SLC28A3: variants seen among roughly 807,000 people sequenced by gnomAD.
SLC28A3 encodes the protein concentrative Na(+)-nucleoside cotransporter 3.
A neutral mutation model predicts 84.2 loss-of-function variants in SLC28A3; 68 were observed. That is an observed-to-expected ratio of 0.81 (90% CI 0.66 to 0.99). The LOEUF is 0.99. Ranked by LOEUF, SLC28A3 falls within the 50% of genes least tolerant of loss-of-function variation. The probability of loss-of-function intolerance (pLI) is 0.00; values close to 1 mark genes in which losing one functional copy is unlikely to be tolerated. For missense variants in SLC28A3, 712 were observed against 841.5 expected (o/e 0.85, Z 1.90); for synonymous variants, 267 against 303.6 (o/e 0.88, Z 1.25).
the SLC28A3 span, among the ~76,000 whole-genome samples, chr9:84,359,703 A>G: frequency 2.6e-5 from 4 of 152,206 alleles, no homozygotes; most frequent in African/African-American, 9.6e-5. Context: ...TTAAATATCA[A>G]GAAAGTTTTA....
chr9:84,347,802 T>G, the SLC28A3 span, among the ~76,000 whole-genome samples: 20 of 152,356 alleles, frequency 1.3e-4, no homozygotes, highest in African/African-American at 4.8e-4. Context: ...TGCTCTTTCC[T>G]GGTGCTTAGC....
chr9:84,326,007 G>A (rs951007230), intron 1 of SLC28A3, among the ~76,000 whole-genome samples: 3 of 152,164 alleles, frequency 2.0e-5, no homozygotes, highest in Admixed American at 6.6e-5. Flanking sequence ...TGGGGTAGAA[G>A]TAGCAGCTAT....
chr9:84,354,063 T>C, the SLC28A3 span, among the ~76,000 whole-genome samples: 1 of 152,352 alleles, frequency 6.6e-6, no homozygotes, highest in East Asian at 1.9e-4. Context: ...AATGCCTGGC[T>C]CTCACCTCAT....
At chr9:84,359,400 A>G in the SLC28A3 span, among the ~76,000 whole-genome samples, 1 of 152,202 alleles carries the variant, frequency 6.6e-6, no homozygotes, top group African/African-American at 2.4e-5. Context: ...TAAAAGAAAA[A>G]CATTAGAATA....
intron 2 of SLC28A3, among the ~76,000 whole-genome samples, chr9:84,312,634 G>GT (rs1385445016): frequency 1.3e-5 from 2 of 151,218 alleles, no homozygotes; most frequent in African/African-American, 4.9e-5. Context: ...TACCTCCTGG[G>GT]TTCAAGTGAT....
At chr9:84,331,915 T>A (rs1485678559) in intron 1 of SLC28A3, among the ~76,000 whole-genome samples, 1 of 152,152 alleles carries the variant, frequency 6.6e-6, no homozygotes, top group African/African-American at 2.4e-5. Context: ...CTCTCCCAAA[T>A]ATGGACACGT....
At chr9:84,287,858 T>C (rs1201240458) in intron 12 of SLC28A3, among the ~76,000 whole-genome samples, 190 bp downstream of exon 12, 1 of 152,140 alleles carries the variant, frequency 6.6e-6, no homozygotes, top group Non-Finnish European at 1.5e-5. Context: ...AAAAAGTCTT[T>C]TTTGAGCAAG....
intron 14 of SLC28A3, among the ~76,000 whole-genome samples, chr9:84,281,892 G>A (rs1215673784): frequency 3.3e-5 from 5 of 152,210 alleles, no homozygotes; most frequent in African/African-American, 1.2e-4. Context: ...TTGGGAGGCC[G>A]AGGCGGGTAG....
chr9:84,292,741 C>T lies in SLC28A3; in HGVS notation c.950G>A (p.Trp317Ter). 1 of 1,562,894 alleles carries T rather than the reference C, an allele frequency of 6.4e-7. No homozygotes were observed. Among genetic ancestry groups the T allele is most frequent in the South Asian group, 1.2e-5 (1 of 82,068 alleles). Reference protein sequence around the residue: ...LMQWIIRKVGWIMLVTTGSSP... With the variant: ...LMQWIIRKVG The stretch of plus-strand genomic sequence containing the variant: ...TGATCCCGTAGTAACTAGCATGATC[C>T]ATCCAACCTAAAAGGAAGAAAGGGA... Residue 317 changes from tryptophan to a stop codon, truncating the protein, a stop_gained, in exon 10 of 18, where the codon TGG becomes TAG. Transcript: ENST00000376238. LOFTEE classifies it high-confidence loss of function.
intron 1 of SLC28A3, among the ~76,000 whole-genome samples, 175 bp downstream of exon 1, chr9:84,340,399 C>T (rs779654780): frequency 9.2e-5 from 14 of 152,196 alleles, no homozygotes; most frequent in Non-Finnish European, 1.9e-4. Context: ...AGAGACTTTT[C>T]AGGTTTGTCA....
the SLC28A3 span, among the ~76,000 whole-genome samples, chr9:84,363,930 A>G: frequency 6.6e-6 from 1 of 151,910 alleles, no homozygotes; most frequent in African/African-American, 2.4e-5. Flanking sequence ...GATTTTTAAA[A>G]TTATCTTTTT....
At chr9:84,353,979 G>A in the SLC28A3 span, among the ~76,000 whole-genome samples, 5 of 152,148 alleles carry the variant, frequency 3.3e-5, no homozygotes, top group South Asian at 2.1e-4. Flanking sequence ...CCTACTTATC[G>A]GCTTCCTCTT....
intron 1 of SLC28A3, among the ~76,000 whole-genome samples, chr9:84,334,211 A>G (rs1439096106): frequency 6.6e-6 from 1 of 152,234 alleles, no homozygotes. Context: ...AAGCAGGAGA[A>G]TCGCTTGAAC....
At chr9:84,330,256 C>G (rs1180585942) in intron 1 of SLC28A3, among the ~76,000 whole-genome samples, 1 of 151,114 alleles carries the variant, frequency 6.6e-6, no homozygotes, top group African/African-American at 2.4e-5. Flanking sequence ...AAAAAAGAAA[C>G]CAAGGAAAAA....
rs529983007 is a variant in SLC28A3 at position 84,308,559 on chromosome 9, A to T, written c.242+1070T>A. ...AGACTCCATCTCAAAAAAAAAATTT[A>T]AAATCTATTTCTAGATTTAAAATTA... On this transcript the variant is annotated intron_variant, in intron 3 of 17. Coordinates refer to ENST00000376238, the MANE Select transcript of SLC28A3 (RefSeq NM_001199633.2). Among the ~76,000 whole-genome samples, 102 of 152,294 alleles carry T rather than the reference A, an allele frequency of 6.7e-4. 1 individual carries two copies. The highest frequency in any genetic ancestry group is 2.5e-3 in the East Asian group (13 of 5,178).
At position 84,330,701 on chromosome 9, in the gene SLC28A3, A is replaced by G. The variant is rs117551297; in HGVS notation, c.60+9873T>C. ...ATTTCTGATAAAAATGTAGCATTAG[A>G]GTTGACATGTACTATATGTTTAAAA... On this transcript the variant is annotated intron_variant, in intron 1 of 17. Transcript: ENST00000376238. 5.3e-4 allele frequency among the ~76,000 whole-genome samples: 80 copies of G among 152,364 alleles called. No individual in the cohort carries two copies. The East Asian group carries it at 0.014, about 28-fold the overall frequency.
At chr9:84,312,720 G>C (rs1243291646) in intron 2 of SLC28A3, among the ~76,000 whole-genome samples, 1 of 151,964 alleles carries the variant, frequency 6.6e-6, no homozygotes, top group Admixed American at 6.6e-5. Flanking sequence ...TGTATTTTTA[G>C]TAGAGATGGG....
chr9:84,337,401 G>T (rs1415519460), intron 1 of SLC28A3, among the ~76,000 whole-genome samples: 2 of 151,998 alleles, frequency 1.3e-5, no homozygotes, highest in African/African-American at 2.4e-5. Flanking sequence ...GAGATGCCCT[G>T]CTTAGAACCT....
intron 17 of SLC28A3, among the ~76,000 whole-genome samples, chr9:84,278,614 C>T (rs948278448): frequency 3.3e-5 from 5 of 152,062 alleles, no homozygotes; most frequent in African/African-American, 1.2e-4. Context: ...AAGGATGGCA[C>T]CTTGTGTGGG....
Sources: gnomAD v4.1 joint callset for allele counts (sites outside exome capture counted in the v4.1 genomes callset) on GRCh38, gnomAD v4.1.1 for gene constraint, MANE v1.5 for transcripts, NCBI Gene and HGNC (gene_info 2026-07-23, HGNC 2026-07-21) for gene names.